GLCE: variants seen among roughly 807,000 people sequenced by gnomAD.
The protein encoded by GLCE is glucuronic acid epimerase.
A neutral mutation model predicts 47.9 loss-of-function variants in GLCE; 19 were observed. The observed-to-expected ratio is 0.40, with a 90% confidence interval of 0.28 to 0.58. GLCE has a LOEUF of 0.58. Ranked by LOEUF, GLCE falls within the 20% of genes least tolerant of loss-of-function variation. The probability of loss-of-function intolerance (pLI) is 0.48; values close to 1 mark genes in which losing one functional copy is unlikely to be tolerated. For synonymous variants in GLCE, 245 were observed against 263.4 expected (o/e 0.93, Z 0.68); for missense variants, 556 against 743.3 (o/e 0.75, Z 2.93).
chr15:69,254,815 G>C (rs1308941658), intron 2 of GLCE, among the ~76,000 whole-genome samples: 5 of 152,136 alleles, frequency 3.3e-5, no homozygotes, highest in Non-Finnish European at 7.4e-5. Flanking sequence ...ACCTGGCCTG[G>C]CGAGAGAATT....
chr15:69,237,931 T>G (rs1223796098), intron 2 of GLCE, among the ~76,000 whole-genome samples: 5 of 152,234 alleles, frequency 3.3e-5, no homozygotes, highest in Non-Finnish European at 7.3e-5. Flanking sequence ...AGCTGATTTA[T>G]TTACATAGCA....
intron 1 of GLCE, among the ~76,000 whole-genome samples, chr15:69,192,241 A>ATGTGTGTG (rs900192445): frequency 6.7e-6 from 1 of 150,076 alleles, no homozygotes; most frequent in Non-Finnish European, 1.5e-5. Context: ...TGGAGGGGTT[A>ATGTGTGTG]TGTGTGTGTG....
chr15:69,185,312 C>T lies in GLCE; in HGVS notation c.-105+24555C>T, dbSNP rs183524603. Among the ~76,000 whole-genome samples, 601 of 152,220 alleles carry T rather than the reference C, an allele frequency of 3.9e-3. 4 individuals carry two copies. Among genetic ancestry groups the T allele is most frequent in the Non-Finnish European group, 5.3e-3 (361 of 68,008 alleles). ...ATAGTTGGCAAATTTGAATCTGTACCTCCTTATAACCAATAGTTTTTAACC... is the reference window on the plus strand; with the variant it reads ...ATAGTTGGCAAATTTGAATCTGTACTTCCTTATAACCAATAGTTTTTAACC... On this transcript the variant is annotated intron_variant, in intron 1 of 4. Transcript: ENST00000261858.
chr15:69,190,643 T>C (rs891183216), intron 1 of GLCE, among the ~76,000 whole-genome samples: 2 of 152,106 alleles, frequency 1.3e-5, no homozygotes, highest in African/African-American at 2.4e-5. Flanking sequence ...CCTTTAACCT[T>C]TATGTGTTTT....
At chr15:69,170,158 A>T (rs1292552397) in intron 1 of GLCE, among the ~76,000 whole-genome samples, 1 of 151,884 alleles carries the variant, frequency 6.6e-6, no homozygotes, top group African/African-American at 2.4e-5. Context: ...CATTAGTTTT[A>T]AAAAAACATT....
intron 1 of GLCE, among the ~76,000 whole-genome samples, chr15:69,192,042 T>C (rs1337973525): frequency 1.3e-5 from 2 of 152,162 alleles, no homozygotes; most frequent in Non-Finnish European, 2.9e-5. Context: ...TATGTGTGAA[T>C]GTGTGTTTGT....
At chr15:69,233,244 A>ATT (rs2052549652) in intron 2 of GLCE, among the ~76,000 whole-genome samples, 2 of 152,166 alleles carry the variant, frequency 1.3e-5, no homozygotes, top group Non-Finnish European at 2.9e-5. Flanking sequence ...GTATGTGAAA[A>ATT]ACATGTAAAA....
intron 1 of GLCE, among the ~76,000 whole-genome samples, chr15:69,204,210 C>G (rs2140367002): frequency 6.6e-6 from 1 of 151,674 alleles, no homozygotes; most frequent in South Asian, 2.1e-4. Context: ...CATTCCTCAT[C>G]CTACTTATTC....
chr15:69,184,922 C>T (rs1595742220), intron 1 of GLCE, among the ~76,000 whole-genome samples: 1 of 152,352 alleles, frequency 6.6e-6, no homozygotes, highest in East Asian at 1.9e-4. Context: ...TCTTCTACCT[C>T]TTCTCCTATC....
rs181953975 is a variant in GLCE at position 69,262,190 on chromosome 15, C to T, written c.829+861C>T. On this transcript the variant is annotated intron_variant, in intron 4 of 4. Transcript: ENST00000261858. ...AGACCCTGAAAGCCACAATACAAAC[C>T]TACTCATTCTAGATAGCCTTAAGTA... Among the ~76,000 whole-genome samples, 10 of 152,292 alleles carry T rather than the reference C, an allele frequency of 6.6e-5. No individual in the cohort carries two copies. The East Asian group carries it at 1.9e-3, about 29-fold the overall frequency.
chr15:69,182,064 G>A (rs2051756086), intron 1 of GLCE, among the ~76,000 whole-genome samples: 1 of 151,972 alleles, frequency 6.6e-6, no homozygotes, highest in Non-Finnish European at 1.5e-5. Context: ...AGTAAAATAG[G>A]ACACAGGGTC....
chr15:69,255,886 T>G lies in GLCE; in HGVS notation c.80T>G (p.Leu27Trp), dbSNP rs1273498645. ...CTCTTCACTTTGGTCACAGTACTTT[T>G]GTGGAATAAGTGTTCCAGTGACAAA... is the stretch of plus-strand genomic sequence containing the variant. ...CALFTLVTVL[L>W]WNKCSSDKAI... Residue 27 changes from leucine (L) to tryptophan (W), a missense_variant, in exon 3 of 5, where the codon TTG becomes TGG. By Grantham distance (61) the Leu-to-Trp change is moderately conservative. Transcript: ENST00000261858. The G allele has an allele frequency of 6.2e-7, 1 of 1,613,972 alleles. No individual in the cohort carries two copies. The highest frequency in any genetic ancestry group is 8.5e-7 in the Non-Finnish European group (1 of 1,179,994).
chr15:69,176,519 C>G (rs1489106088), intron 1 of GLCE, among the ~76,000 whole-genome samples: 1 of 152,066 alleles, frequency 6.6e-6, no homozygotes, highest in Non-Finnish European at 1.5e-5. Context: ...TCAGCCACCA[C>G]CCCTGGCCCA....
intron 2 of GLCE, among the ~76,000 whole-genome samples, chr15:69,221,779 C>T (rs564769869): frequency 1.3e-5 from 2 of 149,170 alleles, no homozygotes; most frequent in South Asian, 4.2e-4. Context: ...AGGAGAATCA[C>T]TTGAACCTGG....
chr15:69,263,316 T>TG (rs2053039728), intron 4 of GLCE, among the ~76,000 whole-genome samples: 1 of 152,154 alleles, frequency 6.6e-6, no homozygotes, highest in Non-Finnish European at 1.5e-5. Context: ...ATAGACCTCA[T>TG]GGGAGATAAA....
intron 1 of GLCE, among the ~76,000 whole-genome samples, chr15:69,176,764 GAAAT>G (rs2051672682): frequency 6.6e-6 from 1 of 152,118 alleles, no homozygotes; most frequent in East Asian, 1.9e-4. Flanking sequence ...GTATCTTAGT[GAAAT>G]AAATGAATGA....
chr15:69,251,453 C>T (rs1435438987), intron 2 of GLCE, among the ~76,000 whole-genome samples: 2 of 152,090 alleles, frequency 1.3e-5, no homozygotes, highest in Admixed American at 6.5e-5. Flanking sequence ...TCATGGCAAA[C>T]GTATACCTGC....
At chr15:69,245,594 T>C (rs1406285755) in intron 2 of GLCE, among the ~76,000 whole-genome samples, 1 of 152,208 alleles carries the variant, frequency 6.6e-6, no homozygotes. Context: ...ATCTGTATCA[T>C]TCCATGCCAT....
intron 2 of GLCE, among the ~76,000 whole-genome samples, chr15:69,245,465 T>C (rs996433456): frequency 1.3e-5 from 2 of 152,196 alleles, no homozygotes; most frequent in African/African-American, 4.8e-5. Context: ...TTGATGTTGA[T>C]GGCTGCTAAA....
Sources: gnomAD v4.1 joint callset for allele counts (sites outside exome capture counted in the v4.1 genomes callset) on GRCh38, gnomAD v4.1.1 for gene constraint, MANE v1.5 for transcripts, NCBI Gene and HGNC (gene_info 2026-07-23, HGNC 2026-07-21) for gene names.